The following FGL1 variants were observed in gnomAD, a reference collection of about 807,000 sequenced individuals.
FGL1 encodes the protein fibrinogen like 1, also known as fibrinogen-like protein 1.
Under a neutral mutation model 43.7 loss-of-function variants are expected in FGL1, and 59 were observed. That is an observed-to-expected ratio of 1.35 (90% CI 1.10 to 1.68). FGL1 has a LOEUF of 1.68. Ranked by LOEUF, FGL1 falls within the 40% of genes most tolerant of loss-of-function variation. The probability of loss-of-function intolerance (pLI) is 0.00; values close to 1 mark genes in which losing one functional copy is unlikely to be tolerated. For synonymous variants in FGL1, 192 were observed against 126.5 expected, an observed-to-expected ratio of 1.52 and a Z score of -3.48; for missense variants, 596 against 373.0, an observed-to-expected ratio of 1.60 and a Z score of -4.92.
At chr8:17,893,203 A>AAAAC (rs951287118) in intron 1 of FGL1, among the ~76,000 whole-genome samples, 20 of 152,268 alleles carry the variant, frequency 1.3e-4, no homozygotes, top group African/African-American at 4.8e-4. Context: ...TCCATCTCAA[A>AAAAC]AAACAAACAA....
intron 2 of FGL1, chr8:17,882,386 C>CCTG: frequency 2.2e-6 from 1 of 451,968 alleles, no homozygotes; most frequent in East Asian, 3.8e-5. Flanking sequence ...AACTCCTGGA[C>CCTG]TCAAAAGATC....
At chr8:17,871,635 C>G (rs1466445081) in intron 5 of FGL1, among the ~76,000 whole-genome samples, 2 of 152,054 alleles carry the variant, frequency 1.3e-5, no homozygotes, top group African/African-American at 4.8e-5. Flanking sequence ...GCCACTACTT[C>G]TAGTTGAGAT....
chr8:17,884,538 A>T (rs34364297), intron 2 of FGL1, among the ~76,000 whole-genome samples: 11,890 of 152,046 alleles, frequency 0.078, 947 homozygotes, highest in African/African-American at 0.2. Context: ...TCTATCCCTA[A>T]CACTCAGATT....
intron 1 of FGL1, among the ~76,000 whole-genome samples, chr8:17,892,377 T>C (rs532872245): frequency 2.6e-5 from 4 of 151,972 alleles, no homozygotes; most frequent in Non-Finnish European, 4.4e-5. Context: ...ATTTTAGAAA[T>C]AGCCTTGTTC....
chr8:17,891,099 G>A (rs1463592437), intron 1 of FGL1, among the ~76,000 whole-genome samples: 1 of 152,130 alleles, frequency 6.6e-6, no homozygotes, highest in South Asian at 2.1e-4. Context: ...CAACCGCCCT[G>A]TACAATGTAA....
intron 3 of FGL1, among the ~76,000 whole-genome samples, chr8:17,880,686 A>T (rs1475788682): frequency 6.6e-6 from 1 of 152,210 alleles, no homozygotes; most frequent in African/African-American, 2.4e-5. Flanking sequence ...AACAGAAATT[A>T]CAATGTAGCA....
chr8:17,887,893 T>C (rs2053652817), intron 1 of FGL1, among the ~76,000 whole-genome samples: 1 of 151,954 alleles, frequency 6.6e-6, no homozygotes, highest in Non-Finnish European at 1.5e-5. Flanking sequence ...CTTTTAAACA[T>C]ATGATATAAT....
intron 1 of FGL1, among the ~76,000 whole-genome samples, chr8:17,889,676 G>T (rs2053678294): frequency 1.3e-5 from 2 of 152,192 alleles, no homozygotes; most frequent in Non-Finnish European, 2.9e-5. Context: ...GGACCATTCA[G>T]CCTCTGGGGA....
intron 5 of FGL1, among the ~76,000 whole-genome samples, chr8:17,869,860 A>C (rs987583777): frequency 7.2e-5 from 11 of 152,242 alleles, no homozygotes; most frequent in African/African-American, 2.7e-4. Flanking sequence ...CTGTAATCCC[A>C]GCACTTTGGG....
Position 17,895,275 on chromosome 8 carries a change from T to C in FGL1, c.-18+172A>G, listed in dbSNP as rs1317219798. 5 of 1,019,494 alleles carry C rather than the reference T, an allele frequency of 4.9e-6. No individual in the cohort carries two copies. In the African/African-American group the frequency reaches 6.8e-5, roughly 14 times the overall value. 63.2% of individuals were successfully genotyped at this position (1,019,494 alleles called of 1,614,324 possible). On this transcript the variant is annotated intron_variant, in intron 1 of 7. Transcript: ENST00000427924. ...ATATCTGTATATCTGTAACAAAAGA[T>C]ACATAATTCTAAATCTCTTCTCCAA... is the stretch of plus-strand genomic sequence containing the variant.
chr8:17,889,546 C>A (rs575341990), intron 1 of FGL1, among the ~76,000 whole-genome samples: 7 of 152,258 alleles, frequency 4.6e-5, no homozygotes, highest in African/African-American at 1.4e-4. Flanking sequence ...CGACACTCCA[C>A]CTCAAACAAC....
chr8:17,892,529 A>G (rs1334702499), intron 1 of FGL1, among the ~76,000 whole-genome samples: 1 of 152,182 alleles, frequency 6.6e-6, no homozygotes, highest in African/African-American at 2.4e-5. Flanking sequence ...TATTTACACT[A>G]GTCTGGGAAA....
chr8:17,895,193 T>A, intron 1 of FGL1: 4 of 693,288 alleles, frequency 5.8e-6, no homozygotes, highest in Non-Finnish European at 7.1e-6. Flanking sequence ...CTCTAAAATT[T>A]TCCATTTTCC....
At chr8:17,883,694 T>A (rs1235142136) in intron 2 of FGL1, among the ~76,000 whole-genome samples, 2 of 144,870 alleles carry the variant, frequency 1.4e-5, no homozygotes, top group South Asian at 4.2e-4. Context: ...ATATATTTTT[T>A]ATATATATAT....
At chr8:17,879,662 G>C (rs1433916704) in intron 3 of FGL1, among the ~76,000 whole-genome samples, 5 of 151,928 alleles carry the variant, frequency 3.3e-5, no homozygotes. Flanking sequence ...AGTTCCCTGA[G>C]GCCTCCCCAG....
In FGL1 at chr8:17,878,977, G is replaced by A. The variant is rs117848584; in HGVS notation, c.244+3022C>T. On this transcript the variant is annotated intron_variant, in intron 3 of 7. Transcript: ENST00000427924. ...ATTTATTGAGTATCTGTTCTTAGTAGCCTCTCCAGTACTATCTCCCTATAT... is the reference window on the plus strand; with the variant it reads ...ATTTATTGAGTATCTGTTCTTAGTAACCTCTCCAGTACTATCTCCCTATAT... Among the ~76,000 whole-genome samples, 215 of 150,458 alleles carry A rather than the reference G, an allele frequency of 1.4e-3. 3 individuals are homozygous for A. The East Asian group carries it at 0.024, about 17-fold the overall frequency.
rs182374910 is a variant in FGL1 at position 17,885,931 on chromosome 8, T to C, written c.-17-360A>G. Among the ~76,000 whole-genome samples the C allele has an allele frequency of 3.9e-3, 596 of 152,350 alleles. 6 individuals are homozygous for C. The highest frequency in any genetic ancestry group is 0.014 in the African/African-American group (572 of 41,586). ...AAATCTGCACGCTGGTCTCTGCTTA[T>C]GGAGCTTGTGTCTTTTTCTCCCTAT... On this transcript the variant is annotated intron_variant, in intron 1 of 7. Transcript: ENST00000427924.
intron 1 of FGL1, among the ~76,000 whole-genome samples, chr8:17,892,864 G>A (rs1279858313): frequency 1.3e-5 from 2 of 152,026 alleles, no homozygotes; most frequent in East Asian, 1.9e-4. Flanking sequence ...TGCATTTGTG[G>A]GATCAAGTAC....
chr8:17,892,630 T>C (rs1025040526), intron 1 of FGL1, among the ~76,000 whole-genome samples: 4 of 152,162 alleles, frequency 2.6e-5, no homozygotes, highest in Non-Finnish European at 5.9e-5. Flanking sequence ...ATTTAATAGA[T>C]TACTGATTAG....
Sources: allele counts gnomAD v4.1 joint callset (sites outside exome capture counted in the v4.1 genomes callset), GRCh38; gene constraint gnomAD v4.1.1; transcripts MANE v1.5; gene names NCBI Gene and HGNC (gene_info 2026-07-23, HGNC 2026-07-21).